The following PEX5L variants were observed in gnomAD, a reference collection of about 807,000 sequenced individuals.
PEX5L encodes peroxisomal biogenesis factor 5 like, also known as PEX5-related protein.
A neutral mutation model predicts 84.0 loss-of-function variants in PEX5L; 30 were observed. That is an observed-to-expected ratio of 0.36 (90% confidence interval 0.27 to 0.48). The LOEUF is 0.48. PEX5L is among the 20% of genes least tolerant of loss of function. The pLI is 0.99. For missense variants in PEX5L, 533 were observed against 754.6 expected (o/e 0.71, Z 3.44); for synonymous variants, 270 against 283.1 (o/e 0.95, Z 0.46).
intron 1 of PEX5L, among the ~76,000 whole-genome samples, chr3:180,006,965 CA>C (rs1159404472): frequency 6.6e-6 from 1 of 152,152 alleles, no homozygotes; most frequent in Non-Finnish European, 1.5e-5. Context: ...CCTTACATTT[CA>C]AAATCAATCA....
At chr3:180,029,278 C>A (rs1791239283) in intron 1 of PEX5L, among the ~76,000 whole-genome samples, 1 of 152,130 alleles carries the variant, frequency 6.6e-6, no homozygotes, top group African/African-American at 2.4e-5. Flanking sequence ...ATCCACCTGA[C>A]TCAGCCTCCC....
intron 1 of PEX5L, among the ~76,000 whole-genome samples, chr3:179,979,561 G>A (rs1198919311): frequency 6.6e-6 from 1 of 152,152 alleles, no homozygotes; most frequent in African/African-American, 2.4e-5. Context: ...GACACAACAG[G>A]ACTGGAATGG....
rs1762083071 is a variant in PEX5L at position 179,903,389 on chromosome 3, T to A, written c.94-5143A>T. 2.0e-5 allele frequency among the ~76,000 whole-genome samples: 3 copies of A among 152,112 alleles called. No homozygotes were observed. In the South Asian group the frequency reaches 6.2e-4, roughly 31 times the overall value. ...GGTGTGTGCCACCACACTCTGCTAATTAATTTAAAAAAATTTTTTTCTTAG... is the reference window on the plus strand; with the variant it reads ...GGTGTGTGCCACCACACTCTGCTAAATAATTTAAAAAAATTTTTTTCTTAG... On this transcript the variant is annotated intron_variant, in intron 2 of 14. Transcript: ENST00000467460.
chr3:179,940,505 C>T (rs962373749), intron 2 of PEX5L, among the ~76,000 whole-genome samples: 9 of 152,112 alleles, frequency 5.9e-5, no homozygotes, highest in Non-Finnish European at 8.8e-5. Flanking sequence ...TATCAGGAAA[C>T]TTCATTAATG....
intron 2 of PEX5L, among the ~76,000 whole-genome samples, chr3:179,918,258 A>T (rs971683327): frequency 9.2e-5 from 14 of 152,130 alleles, no homozygotes; most frequent in Admixed American, 9.2e-4. Context: ...GTGGTACTTC[A>T]CAATTTCCAC....
At chr3:179,825,066 G>T (rs976005396) in intron 8 of PEX5L, among the ~76,000 whole-genome samples, 3 of 152,190 alleles carry the variant, frequency 2.0e-5, no homozygotes, top group African/African-American at 4.8e-5. Flanking sequence ...TTAGTATGGT[G>T]CTGGGTGTCC....
At chr3:180,002,182 A>G (rs564889129) in intron 1 of PEX5L, among the ~76,000 whole-genome samples, 2 of 152,244 alleles carry the variant, frequency 1.3e-5, no homozygotes, top group African/African-American at 4.8e-5. Context: ...TAACTGAACA[A>G]TGCTGCATTT....
rs187020119 is a variant in PEX5L at position 179,992,962 on chromosome 3, G to T, written c.22-21297C>A. Among the ~76,000 whole-genome samples the T allele has an allele frequency of 2.0e-5, 3 of 151,944 alleles. No homozygotes were observed. The East Asian group carries it at 5.8e-4, about 29-fold the overall frequency. On this transcript the variant is annotated intron_variant, in intron 1 of 14. Coordinates refer to ENST00000467460, the MANE Select transcript of PEX5L (RefSeq NM_016559.3). ...GCACAGTCTATAACTTAGTTTTTAGGTGATGAAAATAAGATTTAGTTAAAA... is the reference window on the plus strand; with the variant it reads ...GCACAGTCTATAACTTAGTTTTTAGTTGATGAAAATAAGATTTAGTTAAAA...
intron 2 of PEX5L, among the ~76,000 whole-genome samples, chr3:179,927,767 AG>A (rs1358089575): frequency 2.0e-5 from 3 of 152,200 alleles, no homozygotes; most frequent in Non-Finnish European, 4.4e-5. Context: ...TTGCAAGCTA[AG>A]TTAAAGATTT....
intron 5 of PEX5L, among the ~76,000 whole-genome samples, chr3:179,879,340 G>C (rs6790113): frequency 0.18 from 27,729 of 152,102 alleles, 2,748 homozygotes; most frequent in South Asian, 0.32. Context: ...AATTTCAACT[G>C]TTCTTCTTAT....
chr3:179,806,372 T>G (rs1721316552), intron 14 of PEX5L, among the ~76,000 whole-genome samples: 1 of 152,152 alleles, frequency 6.6e-6, no homozygotes, highest in South Asian at 2.1e-4. Flanking sequence ...CATTTCACAG[T>G]GTCCATAAAA....
At chr3:179,891,602 G>A (rs1210606198) in intron 3 of PEX5L, among the ~76,000 whole-genome samples, 1 of 152,072 alleles carries the variant, frequency 6.6e-6, no homozygotes, top group East Asian at 1.9e-4. Context: ...ATGTCTAAAA[G>A]GGGTTCAATA....
intron 2 of PEX5L, among the ~76,000 whole-genome samples, chr3:179,903,217 T>TTTTG (rs555904815): frequency 4.1e-4 from 63 of 152,062 alleles, no homozygotes; most frequent in African/African-American, 1.5e-3. Flanking sequence ...ATCTATATAT[T>TTTTG]TTTGTTTGTT....
chr3:180,016,421 T>C (rs1431221793), intron 1 of PEX5L, among the ~76,000 whole-genome samples: 1 of 152,218 alleles, frequency 6.6e-6, no homozygotes, highest in African/African-American at 2.4e-5. Flanking sequence ...TAATTTAAAA[T>C]AGATGAGATT....
chr3:179,847,216 G>A (rs564803577), intron 8 of PEX5L, among the ~76,000 whole-genome samples: 2 of 151,866 alleles, frequency 1.3e-5, no homozygotes, highest in African/African-American at 2.4e-5. Flanking sequence ...ATGTGCATAT[G>A]TATTTATATA....
At chr3:180,000,123 T>G (rs1415675745) in intron 1 of PEX5L, among the ~76,000 whole-genome samples, 2 of 152,318 alleles carry the variant, frequency 1.3e-5, no homozygotes, top group South Asian at 2.1e-4. Context: ...TGACATTACG[T>G]TCTTCTGGCC....
intron 2 of PEX5L, among the ~76,000 whole-genome samples, chr3:179,954,202 G>A (rs12632846): frequency 0.7 from 99,561 of 141,588 alleles, 34,679 homozygotes; most frequent in East Asian, 0.89. Context: ...TTAACCATTA[G>A]TCGGGGGGGG....
intron 4 of PEX5L, among the ~76,000 whole-genome samples, chr3:179,885,541 G>T (rs1461793547): frequency 6.6e-6 from 1 of 152,028 alleles, no homozygotes; most frequent in Non-Finnish European, 1.5e-5. Context: ...AGCTACTTGG[G>T]AGGCTGATGC....
At chr3:179,934,096 C>G (rs1457731644) in intron 2 of PEX5L, among the ~76,000 whole-genome samples, 1 of 152,228 alleles carries the variant, frequency 6.6e-6, no homozygotes, top group Non-Finnish European at 1.5e-5. Context: ...AATGCTCCAG[C>G]CAGCTTGCTG....
Sources: allele counts gnomAD v4.1 joint callset (sites outside exome capture counted in the v4.1 genomes callset), GRCh38; gene constraint gnomAD v4.1.1; transcripts MANE v1.5; gene names NCBI Gene and HGNC (gene_info 2026-07-23, HGNC 2026-07-21).